MAF: variants seen among roughly 807,000 people sequenced by gnomAD.
The protein encoded by MAF is transcription factor Maf.
A neutral mutation model predicts 22.0 loss-of-function variants in MAF; 10 were observed. The ratio of observed to expected loss-of-function variants is 0.45; its 90% confidence interval spans 0.28 to 0.77. The LOEUF (loss-of-function observed/expected upper bound fraction) is 0.77. Among genes scored for constraint, MAF ranks in the 30% least tolerant of loss-of-function variants. The probability of loss-of-function intolerance (pLI) is 0.12; values close to 1 mark genes in which losing one functional copy is unlikely to be tolerated. For missense variants in MAF, 544 were observed against 548.4 expected (o/e 0.99, Z 0.08); for synonymous variants, 337 against 255.8 (o/e 1.32, Z -3.03).
At chr16:79,542,563 A>G in the MAF span, among the ~76,000 whole-genome samples, 1 of 152,154 alleles carries the variant, frequency 6.6e-6, no homozygotes, top group South Asian at 2.1e-4. Flanking sequence ...GAAAGAGGGA[A>G]CTGCTCTTCC....
the MAF span, among the ~76,000 whole-genome samples, chr16:79,548,386 T>A: frequency 6.6e-6 from 1 of 152,206 alleles, no homozygotes; most frequent in Admixed American, 6.5e-5. Context: ...AATTGTGTAA[T>A]GAATTACTCA....
chr16:79,473,232 C>G, the MAF span, among the ~76,000 whole-genome samples: 29 of 152,112 alleles, frequency 1.9e-4, no homozygotes, highest in African/African-American at 7.0e-4. Flanking sequence ...GTCCTCATTT[C>G]TCTTTGCAGG....
At chr16:79,409,535 A>G in the MAF span, among the ~76,000 whole-genome samples, 1 of 152,210 alleles carries the variant, frequency 6.6e-6, no homozygotes, top group Non-Finnish European at 1.5e-5. Context: ...TCTTCACATA[A>G]CAACTGCTGG....
At chr16:79,490,919 T>A in the MAF span, among the ~76,000 whole-genome samples, 4 of 152,174 alleles carry the variant, frequency 2.6e-5, no homozygotes, top group Non-Finnish European at 5.9e-5. Context: ...TTACTGAGGA[T>A]GTTTTCTGGC....
the MAF span, among the ~76,000 whole-genome samples, chr16:79,366,358 G>A: frequency 1.1e-4 from 17 of 152,326 alleles, no homozygotes; most frequent in South Asian, 3.3e-3. Context: ...AAAAATGTAG[G>A]TGAGATTGCC....
the MAF span, among the ~76,000 whole-genome samples, chr16:79,363,087 G>A: frequency 6.6e-6 from 1 of 152,028 alleles, no homozygotes; most frequent in Non-Finnish European, 1.5e-5. Context: ...GGGGGAACAT[G>A]CAGGGAAGAA....
chr16:79,323,268 C>G, the MAF span, among the ~76,000 whole-genome samples: 1 of 139,134 alleles, frequency 7.2e-6, no homozygotes, highest in African/African-American at 2.7e-5. Flanking sequence ...GGGGGGATGA[C>G]ATGGAGAGGC....
the MAF span, among the ~76,000 whole-genome samples, chr16:79,321,540 G>A: frequency 4.4e-3 from 677 of 152,186 alleles, 11 homozygotes; most frequent in African/African-American, 0.016. Flanking sequence ...CTTAGCTGAG[G>A]CCAGGAAGGA....
At chr16:79,241,081 G>C in the MAF span, among the ~76,000 whole-genome samples, 4 of 152,044 alleles carry the variant, frequency 2.6e-5, no homozygotes, top group Admixed American at 2.6e-4. Context: ...ACGAAGATGG[G>C]GAGAAATCAG....
chr16:79,582,975 A>C (rs1046308864), downstream of MAF, among the ~76,000 whole-genome samples: 1 of 152,178 alleles, frequency 6.6e-6, no homozygotes, highest in Non-Finnish European at 1.5e-5. Context: ...TGGTTTTCAC[A>C]TGTCTTTTGT....
the MAF span, among the ~76,000 whole-genome samples, chr16:79,322,993 A>T: frequency 3.3e-5 from 5 of 151,466 alleles, no homozygotes; most frequent in Admixed American, 3.3e-4. Context: ...TACTAAAAAT[A>T]CAAAAAATTA....
the MAF span, among the ~76,000 whole-genome samples, chr16:79,534,320 C>T: frequency 9.6e-3 from 1,458 of 152,268 alleles, 15 homozygotes; most frequent in South Asian, 0.019. Flanking sequence ...TCTACCTCAC[C>T]GCATTACCAT....
At chr16:79,338,283 T>C in the MAF span, among the ~76,000 whole-genome samples, 1 of 152,144 alleles carries the variant, frequency 6.6e-6, no homozygotes, top group African/African-American at 2.4e-5. Flanking sequence ...AGGGAGGCAT[T>C]TAGGGGCTAA....
chr16:79,420,823 A>T, the MAF span, among the ~76,000 whole-genome samples: 1 of 152,194 alleles, frequency 6.6e-6, no homozygotes, highest in Non-Finnish European at 1.5e-5. Context: ...TGAGGTCAGG[A>T]GTTCAAGACC....
the MAF span, among the ~76,000 whole-genome samples, chr16:79,491,157 C>T: frequency 2.0e-5 from 3 of 152,106 alleles, no homozygotes; most frequent in South Asian, 2.1e-4. Context: ...CCTGATATCC[C>T]GTGGAGCTTA....
chr16:79,358,660 T>C, the MAF span, among the ~76,000 whole-genome samples: 3 of 152,220 alleles, frequency 2.0e-5, no homozygotes, highest in Non-Finnish European at 2.9e-5. Context: ...GTGAGGGCTT[T>C]ACAGATACCT....
the MAF span, among the ~76,000 whole-genome samples, chr16:79,366,804 T>C: frequency 6.6e-6 from 1 of 152,264 alleles, no homozygotes; most frequent in South Asian, 2.1e-4. Context: ...CCAACATTTA[T>C]TTAAGCCCTT....
the MAF span, among the ~76,000 whole-genome samples, chr16:79,501,832 C>T: frequency 1.2e-4 from 19 of 152,192 alleles, no homozygotes; most frequent in Admixed American, 7.9e-4. Flanking sequence ...ATATTTGATA[C>T]GTATTTTCTC....
chr16:79,361,171 C>G, the MAF span, among the ~76,000 whole-genome samples: 1 of 152,306 alleles, frequency 6.6e-6, no homozygotes, highest in African/African-American at 2.4e-5. Flanking sequence ...GCAGGGAGAA[C>G]TTTTCTGGTG....
Sources: allele counts gnomAD v4.1 joint callset (sites outside exome capture counted in the v4.1 genomes callset), GRCh38; gene constraint gnomAD v4.1.1; transcripts MANE v1.5; gene names NCBI Gene and HGNC (gene_info 2026-07-23, HGNC 2026-07-21).